CFB: variants seen among roughly 807,000 people sequenced by gnomAD.
CFB encodes the protein complement factor B, also known as B-factor, properdin.
In CFB, 59 loss-of-function variants were observed where a neutral mutation model predicts 97.2. The ratio of observed to expected loss-of-function variants is 0.61; its 90% CI spans 0.49 to 0.75. The LOEUF is 0.75. Among genes scored for constraint, CFB ranks in the 30% least tolerant of loss-of-function variants. The probability of loss-of-function intolerance (pLI) is 0.00; values close to 1 mark genes in which losing one functional copy is unlikely to be tolerated. For missense variants in CFB, 771 were observed against 959.8 expected, an observed-to-expected ratio of 0.80 and a Z score of 2.60; for synonymous variants, 316 against 351.7, an observed-to-expected ratio of 0.90 and a Z score of 1.14.
rs750518194 is a variant in CFB, at chr6:31,947,897, G to A, written c.761-48G>A. 28 of 1,614,036 alleles carry A rather than the reference G, an allele frequency of 1.7e-5. No individual in the cohort carries two copies. The highest frequency in any genetic ancestry group is 2.0e-5 in the Non-Finnish European group (24 of 1,180,042). On this transcript the variant is annotated intron_variant, in intron 5 of 17. Coordinates refer to ENST00000425368, the MANE Select transcript of CFB (RefSeq NM_001710.6). The surrounding 1 kb of genome is among the most constrained non-coding windows in gnomAD (Gnocchi z 5.3). ...AGGGAACTGGGGGAAAATGGAGAAGGGACAGAACTGTTAATGCTGGAGCCT... is the reference window on the plus strand; with the variant it reads ...AGGGAACTGGGGGAAAATGGAGAAGAGACAGAACTGTTAATGCTGGAGCCT...
rs572679062 is a variant in CFB, at chr6:31,951,111, G to C, written c.1856-33G>C. On this transcript the variant is annotated intron_variant, in intron 14 of 17. Transcript: ENST00000425368. This position sits in a 1 kb window ranked among gnomAD's most constrained non-coding sequence, Gnocchi z 4.3. The stretch of plus-strand genomic sequence containing the variant: ...GGCAATGGGGAGATGACAGTGGTGG[G>C]AGCAGCTGAAGTGACGCAGTCTATT... The C allele has an allele frequency of 1.9e-6, 3 of 1,606,170 alleles. No individual in the cohort carries two copies. The African/African-American group carries it at 4.0e-5, about 21-fold the overall frequency.
rs1368030529 is a variant in CFB at position 31,952,047 on chromosome 6, CA to C, written c.*18del. The C allele has an allele frequency of 1.7e-5, 27 of 1,612,056 alleles. No individual in the cohort carries two copies. Among genetic ancestry groups the C allele is most frequent in the Non-Finnish European group, 2.3e-5 (27 of 1,180,032 alleles). ...TTTCTATAAGGGGTTTCCTGCTGGACAGGGGCGTGGGATTGAATTAAAACAG... is the reference window on the plus strand; with the variant it reads ...TTTCTATAAGGGGTTTCCTGCTGGACGGGGCGTGGGATTGAATTAAAACAG... On this transcript the variant is annotated 3_prime_UTR_variant, in exon 18 of 18. Coordinates refer to ENST00000425368, the MANE Select transcript of CFB (RefSeq NM_001710.6).
In CFB at chr6:31,950,403, G is replaced by C; in HGVS notation, c.1624G>C (p.Gly542Arg). The C allele has an allele frequency of 6.2e-7, 1 of 1,611,982 alleles. No individual in the cohort carries two copies. The highest frequency in any genetic ancestry group is 8.5e-7 in the Non-Finnish European group (1 of 1,179,604). Residue 542 changes from glycine to arginine, a missense_variant and splice_region_variant, in exon 12 of 18, where the codon GGA becomes CGA. By Grantham distance (125) the Gly-to-Arg change is moderately radical (BLOSUM62 -2). Transcript: ENST00000425368. ...GGAACACTCAATCAAGGTCAGCGTAGGTAAGGATGCAACTGAAGGTCCTGG... is the reference window on the plus strand; with the variant it reads ...GGAACACTCAATCAAGGTCAGCGTACGTAAGGATGCAACTGAAGGTCCTGG... ...DKEHSIKVSV[G>R]GEKRDLEIEV...
rs1393177958 is a variant in CFB, at chr6:31,949,510, A to T, written c.1361A>T (p.Lys454Ile). 6.2e-7 allele frequency: 1 copy of T among 1,613,734 alleles called. No individual in the cohort carries two copies. The highest frequency in any genetic ancestry group is 1.7e-5 in the Admixed American group (1 of 60,034). The change falls in exon 10 of 18, where the codon AAA (lysine) becomes ATA (isoleucine). Residue 454 changes from lysine (K) to isoleucine (I), a missense_variant. By Grantham distance (102) the Lys-to-Ile change is moderately radical. Transcript: ENST00000425368. ...SKKDNEQHVF[K>I]VKDMENLEDV... is the part of the protein sequence containing the mutation. Reference sequence around the variant, plus strand: ...AAAGACAATGAGCAACATGTGTTCAAAGTCAAGGATATGGAAAACCTGGAA... The same window carrying T: ...AAAGACAATGAGCAACATGTGTTCATAGTCAAGGATATGGAAAACCTGGAA...
intron 13 of CFB, 38 bp downstream of exon 13, chr6:31,950,810 G>A (rs759189874): frequency 1.2e-6 from 2 of 1,613,098 alleles, no homozygotes; most frequent in East Asian, 4.5e-5. Flanking sequence ...GGCTGGGAAA[G>A]GCTGGAGGAC....
intron 6 of CFB, 35 bp downstream of exon 6, chr6:31,948,116 G>C: frequency 1.2e-6 from 2 of 1,605,548 alleles, no homozygotes; most frequent in South Asian, 2.2e-5. Context: ...CGGGGGAATG[G>C]AATCTCGCTG....
rs1343006380 is a variant in CFB at position 31,946,356 on chromosome 6, T to A, written c.65-17T>A. 6.2e-7 allele frequency: 1 copy of A among 1,613,016 alleles called. No individual in the cohort carries two copies. ...CTTGGCCTTTTGGGGCCAGGCTTCA[T>A]CAGCCTTTCTCTTCAGGTGTGACCA... On this transcript the variant is annotated splice_polypyrimidine_tract_variant and intron_variant, in intron 1 of 17. Transcript: ENST00000425368. This position sits in a 1 kb window ranked among gnomAD's most constrained non-coding sequence, Gnocchi z 6.4.
intron 10 of CFB, 32 bp from the exon 11 acceptor site, chr6:31,950,018 C>G (rs752459529): frequency 1.9e-6 from 3 of 1,607,348 alleles, no homozygotes; most frequent in East Asian, 2.2e-5. Context: ...TGAAGTGTTC[C>G]GAGTTTTCAG....
rs772579464 is a variant in CFB at position 31,946,657 on chromosome 6, C to T, written c.298+51C>T. ...TGGCCTAAGGCAGAAACAGGGCAGG[C>T]GGCAGCAAGGTCAGGACTAGGATGA... On this transcript the variant is annotated intron_variant, in intron 2 of 17. Transcript: ENST00000425368. The surrounding 1 kb of genome is among the most constrained non-coding windows in gnomAD (Gnocchi z 6.4). The T allele has an allele frequency of 1.8e-5, 28 of 1,526,524 alleles. No individual in the cohort carries two copies. The highest frequency in any genetic ancestry group is 9.1e-5 in the South Asian group (8 of 88,006). 94.6% of individuals were successfully genotyped at this position (1,526,524 alleles called of 1,614,324 possible).
chr6:31,950,568 C>G (rs753375707), intron 12 of CFB, 51 bp from the exon 13 acceptor site: 2 of 1,611,570 alleles, frequency 1.2e-6, no homozygotes, highest in Admixed American at 1.7e-5. Flanking sequence ...GACACGGGGC[C>G]AGAGGCAGGA....
chr6:31,950,645 G>C lies in CFB; in HGVS notation c.1651G>C (p.Glu551Gln). ...AGGGGAGAAGCGGGACCTGGAGATA[G>C]AAGTAGTCCTATTTCACCCCAACTA... The part of the protein sequence containing the change: ...VGGEKRDLEI[E>Q]VVLFHPNYNI... Residue 551 changes from glutamate to glutamine, a missense_variant, in exon 13 of 18, where the codon GAA becomes CAA. By Grantham distance (29) the Glu-to-Gln change is conservative (BLOSUM62 2). Coordinates refer to ENST00000425368, the MANE Select transcript of CFB (RefSeq NM_001710.6). 1 of 1,613,042 alleles carries C rather than the reference G, an allele frequency of 6.2e-7. No homozygotes were observed. Among genetic ancestry groups the C allele is most frequent in the South Asian group, 1.1e-5 (1 of 91,090 alleles).
rs1771518736 is a variant in CFB at position 31,947,569 on chromosome 6, A to G, written c.658+48A>G. On this transcript the variant is annotated intron_variant, in intron 4 of 17. Transcript: ENST00000425368. This position sits in a 1 kb window ranked among gnomAD's most constrained non-coding sequence, Gnocchi z 5.3. Reference sequence around the variant, plus strand: ...AGGTCAGATCCTGGTCTTCCATCCTACTGTCTTCTCTCCCCACCTCAACCC... The same window carrying G: ...AGGTCAGATCCTGGTCTTCCATCCTGCTGTCTTCTCTCCCCACCTCAACCC... 9 of 1,609,578 alleles carry G rather than the reference A, an allele frequency of 5.6e-6. No individual in the cohort carries two copies. The highest frequency in any genetic ancestry group is 7.6e-6 in the Non-Finnish European group (9 of 1,177,418).
Position 31,947,452 on chromosome 6 carries a change from C to T in CFB, c.589C>T (p.Leu197=), listed in dbSNP as rs910529684. The change falls in exon 4 of 18, where the codon CTG becomes TTG. Residue 197 remains leucine (L), a synonymous_variant. Transcript: ENST00000425368. The surrounding 1 kb of genome is among the most constrained non-coding windows in gnomAD (Gnocchi z 5.3). ...VTYHCSRGLT[L]RGSQRRTCQE... ...CTACCACTGCAGCCGGGGGCTTACC[C>T]TGCGTGGCTCCCAGCGGCGAACGTG... 1.2e-6 allele frequency: 2 copies of T among 1,612,918 alleles called. No individual in the cohort carries two copies. Among genetic ancestry groups the T allele is most frequent in the Non-Finnish European group, 1.7e-6 (2 of 1,180,034 alleles).
At position 31,951,707 on chromosome 6, in the gene CFB, C is replaced by G. The variant is rs1292033756; in HGVS notation, c.2139+103C>G. On this transcript the variant is annotated intron_variant, in intron 17 of 17. Coordinates refer to ENST00000425368, the MANE Select transcript of CFB (RefSeq NM_001710.6). The surrounding 1 kb of genome is among the most constrained non-coding windows in gnomAD (Gnocchi z 4.3). The stretch of plus-strand genomic sequence containing the variant: ...GGCTAGTAATTCGAGGTAGGCAGAG[C>G]CTGCCTCACCTTAGGACCGCATGTC... The G allele has an allele frequency of 6.4e-7, 1 of 1,570,172 alleles. No individual in the cohort carries two copies. Among genetic ancestry groups the G allele is most frequent in the Admixed American group, 1.7e-5 (1 of 59,912 alleles).
In CFB at chr6:31,951,722, G is replaced by T; in HGVS notation, c.2139+118G>T. On this transcript the variant is annotated intron_variant, in intron 17 of 17. Coordinates refer to ENST00000425368, the MANE Select transcript of CFB (RefSeq NM_001710.6). The surrounding 1 kb of genome is among the most constrained non-coding windows in gnomAD (Gnocchi z 4.3). ...GTAGGCAGAGCCTGCCTCACCTTAG[G>T]ACCGCATGTCTTGCCTGCGTGTGTC... 6.4e-7 allele frequency: 1 copy of T among 1,564,164 alleles called. No individual in the cohort carries two copies. The highest frequency in any genetic ancestry group is 1.1e-5 in the South Asian group (1 of 89,902).
At position 31,949,352 on chromosome 6, in the gene CFB, A is replaced by G; in HGVS notation, c.1270+8A>G. The G allele has an allele frequency of 6.2e-7, 1 of 1,614,076 alleles. No homozygotes were observed. The highest frequency in any genetic ancestry group is 8.5e-7 in the Non-Finnish European group (1 of 1,180,008). On this transcript the variant is annotated splice_region_variant and intron_variant, in intron 9 of 17. Coordinates refer to ENST00000425368, the MANE Select transcript of CFB (RefSeq NM_001710.6). ...CAAGGGAGGATTATCTGGGTGAGTA[A>G]CCTGCCTAGGACCCAGCACCCCACT...
rs778343673 is a variant in CFB at position 31,946,991 on chromosome 6, T to C, written c.299-16T>C. ...TTTCCCTCTTGATGACTTCTACTTG[T>C]CCCCCCTTCTCAAAGCAATCCACTG... On this transcript the variant is annotated splice_polypyrimidine_tract_variant and intron_variant, in intron 2 of 17. Coordinates refer to ENST00000425368, the MANE Select transcript of CFB (RefSeq NM_001710.6). This position sits in a 1 kb window ranked among gnomAD's most constrained non-coding sequence, Gnocchi z 6.4. The C allele has an allele frequency of 6.2e-7, 1 of 1,612,410 alleles. No homozygotes were observed. The highest frequency in any genetic ancestry group is 8.5e-7 in the Non-Finnish European group (1 of 1,179,844).
Position 31,951,982 on chromosome 6 carries a change from G to A in CFB, c.2247G>A (p.Leu749=), listed in dbSNP as rs897759844. The A allele has an allele frequency of 1.2e-6, 2 of 1,613,102 alleles. No individual in the cohort carries two copies. The highest frequency in any genetic ancestry group is 1.7e-6 in the Non-Finnish European group (2 of 1,180,044). Residue 749 remains leucine, a synonymous_variant, in exon 18 of 18, where the codon CTG becomes CTA. Transcript: ENST00000425368. The surrounding 1 kb of genome is among the most constrained non-coding windows in gnomAD (Gnocchi z 4.3). ...TTCACATCAACCTCTTTCAAGTGCT[G>A]CCCTGGCTGAAGGAGAAACTCCAAG... ...RDFHINLFQV[L]PWLKEKLQDE... is the part of the protein sequence containing the mutation.
At position 31,946,692 on chromosome 6, in the gene CFB, G is replaced by A; in HGVS notation, c.298+86G>A. The A allele has an allele frequency of 7.7e-7, 1 of 1,297,776 alleles. No homozygotes were observed. Among genetic ancestry groups the A allele is most frequent in the Admixed American group, 1.9e-5 (1 of 52,150 alleles). The allele number at this position is 1,297,776 out of a possible 1,614,324, so 80.4% of individuals were successfully genotyped here. A position where few individuals can be genotyped will look rare whatever the true frequency, so the allele number is the denominator to read the frequency against. ...GTCAGGACTAGGATGAGACTAGGCA[G>A]GGTGACAAGGTGGGCTGACCGGGAG... On this transcript the variant is annotated intron_variant, in intron 2 of 17. Coordinates refer to ENST00000425368, the MANE Select transcript of CFB (RefSeq NM_001710.6). The surrounding 1 kb of genome is among the most constrained non-coding windows in gnomAD (Gnocchi z 6.4).
Sources: allele counts gnomAD v4.1 joint callset, GRCh38; gene constraint gnomAD v4.1.1; non-coding constraint Gnocchi (gnomAD v3.1); transcripts MANE v1.5; gene names NCBI Gene and HGNC (gene_info 2026-07-23, HGNC 2026-07-21).